Variants in NFX1 observed in about 807,000 individuals in gnomAD.
The protein encoded by NFX1 is transcriptional repressor NF-X1.
A neutral mutation model predicts 137.2 loss-of-function variants in NFX1; 69 were observed. The ratio of observed to expected loss-of-function variants is 0.50; its 90% CI spans 0.41 to 0.61. The LOEUF is 0.61. NFX1 is among the 20% of genes least tolerant of loss of function. NFX1 has a pLI of 0.00. For synonymous variants in NFX1, 495 were observed against 474.1 expected (o/e 1.04, Z -0.57); for missense variants, 1,167 against 1,391.0 (o/e 0.84, Z 2.56).
intron 12 of NFX1, among the ~76,000 whole-genome samples, chr9:33,339,870 G>A (rs554594699): frequency 1.3e-5 from 2 of 152,260 alleles, no homozygotes; most frequent in African/African-American, 4.8e-5. Flanking sequence ...TTGACTCCAT[G>A]TCTCACATCT....
chr9:33,307,105 A>G (rs1418098962), intron 4 of NFX1, 89 bp from the exon 5 acceptor site: 1 of 913,072 alleles, frequency 1.1e-6, no homozygotes, highest in Middle Eastern at 3.1e-4. Flanking sequence ...CTAAAGTTGC[A>G]TGCTGCCTAG....
chr9:33,319,069 G>A lies in NFX1; in HGVS notation c.1848G>A (p.Met616Ile). Residue 616 changes from methionine to isoleucine, a missense_variant, in exon 9 of 24, where the codon ATG becomes ATA. Physicochemically the swap from Met to Ile is conservative, Grantham distance 10 (BLOSUM62 1). This residue lies in a region of NFX1 where 488 missense variants were observed against 691.5 expected (regional missense o/e 0.71). Coordinates refer to ENST00000379540, the MANE Select transcript of NFX1 (RefSeq NM_002504.6). ...ELGSSSRKTC[M>I]DPVPSCGKVC... is the part of the protein sequence containing the mutation. Reference sequence around the variant, plus strand: ...GAAGTAGTAGTCGGAAAACATGCATGGACCCTGTGCCTTCATGTGGAAAAG... The same window carrying A: ...GAAGTAGTAGTCGGAAAACATGCATAGACCCTGTGCCTTCATGTGGAAAAG... 3 of 1,614,204 alleles carry A rather than the reference G, an allele frequency of 1.9e-6. No individual in the cohort carries two copies. Among genetic ancestry groups the A allele is most frequent in the Non-Finnish European group, 2.5e-6 (3 of 1,180,044 alleles).
intron 15 of NFX1, among the ~76,000 whole-genome samples, chr9:33,349,948 A>C (rs915959473): frequency 1.3e-5 from 2 of 152,080 alleles, no homozygotes; most frequent in African/African-American, 4.8e-5. Context: ...TCAAGGCTGC[A>C]GTGAGACACG....
intron 11 of NFX1, 175 bp downstream of exon 11, chr9:33,332,677 A>C (rs528027228): frequency 1.9e-6 from 1 of 530,360 alleles, no homozygotes; most frequent in South Asian, 2.7e-5. Flanking sequence ...AATTGATGAA[A>C]TGCTGAAAAA....
rs757991037 is a variant in NFX1 at position 33,313,688 on chromosome 9, C to T, written c.1483C>T (p.His495Tyr). The T allele has an allele frequency of 1.6e-5, 26 of 1,614,102 alleles. No homozygotes were observed. The South Asian group carries it at 2.7e-4, about 17-fold the overall frequency. ...TVRCGQAVSV[H>Y]CSNPCENILN... ...TCGCTGTGGTCAGGCTGTCTCAGTC[C>T]ACTGTTCTAACCCATGTGAGAATAT... The change falls in exon 7 of 24, where the codon CAC (histidine) becomes TAC (tyrosine). Residue 495 changes from histidine to tyrosine, a missense_variant. Coordinates refer to ENST00000379540, the MANE Select transcript of NFX1 (RefSeq NM_002504.6).
At chr9:33,356,663 G>T (rs1163365704) in intron 19 of NFX1, among the ~76,000 whole-genome samples, 1 of 152,058 alleles carries the variant, frequency 6.6e-6, no homozygotes, top group Non-Finnish European at 1.5e-5. Flanking sequence ...GACCTGTACT[G>T]ATTTTTTTGA....
rs537509391 is a variant in NFX1 at position 33,307,970 on chromosome 9, AT to A, written c.1376+676del. 2.7e-3 allele frequency among the ~76,000 whole-genome samples: 415 copies of A among 151,424 alleles called. 1 individual carries two copies. Among genetic ancestry groups the A allele is most frequent in the Non-Finnish European group, 4.7e-3 (316 of 67,782 alleles). ...AGGCGTGTGCCACCACGCCTGGCTA[AT>A]TTTTGTATGTTTTGGTAGAAATGGG... On this transcript the variant is annotated intron_variant, in intron 5 of 23. Transcript: ENST00000379540.
intron 11 of NFX1, 107 bp downstream of exon 11, chr9:33,332,609 A>G: frequency 2.7e-6 from 2 of 744,326 alleles, no homozygotes; most frequent in Non-Finnish European, 4.5e-6. Flanking sequence ...GTGAAGGCAT[A>G]CTTAAGATTT....
intron 11 of NFX1, among the ~76,000 whole-genome samples, chr9:33,333,290 A>G (rs544935196): frequency 6.6e-6 from 1 of 152,354 alleles, no homozygotes; most frequent in East Asian, 1.9e-4. Context: ...AAGCTTCTGG[A>G]TGCAGGTAAC....
At position 33,294,805 on chromosome 9, in the gene NFX1, G is replaced by A. The variant is rs745797255; in HGVS notation, c.411G>A (p.Ser137=). ...CAGATACAGCTGGATTAGAGAGCTC[G>A]ACCAGATCAGAGAGTGGGACAGACC... is the stretch of plus-strand genomic sequence containing the variant. ...QTSDTAGLES[S]TRSESGTDLR... The change falls in exon 2 of 24, where the codon TCG becomes TCA. Residue 137 remains serine, a synonymous_variant. Transcript: ENST00000379540. 1.2e-5 allele frequency: 19 copies of A among 1,613,924 alleles called. No homozygotes were observed. The highest frequency in any genetic ancestry group is 2.2e-5 in the East Asian group (1 of 44,894).
At chr9:33,302,882 G>A (rs147828912) in intron 3 of NFX1, among the ~76,000 whole-genome samples, 1,817 of 150,958 alleles carry the variant, frequency 0.012, 42 homozygotes, top group African/African-American at 0.039. Context: ...GTTAGCCAGG[G>A]TGGTCTCAAT....
chr9:33,336,019 A>G (rs1022499939), intron 11 of NFX1, among the ~76,000 whole-genome samples: 6 of 152,162 alleles, frequency 3.9e-5, no homozygotes, highest in African/African-American at 1.4e-4. Context: ...TTTTGTTCCA[A>G]TACCTATTTT....
chr9:33,338,143 T>G (rs2118543329), intron 11 of NFX1, among the ~76,000 whole-genome samples: 1 of 151,482 alleles, frequency 6.6e-6, no homozygotes, highest in East Asian at 1.9e-4. Context: ...TCACCTGAGA[T>G]CAGGAGTTAA....
intron 7 of NFX1, among the ~76,000 whole-genome samples, chr9:33,315,213 G>C (rs561638298): frequency 6.8e-6 from 1 of 147,040 alleles, no homozygotes; most frequent in Non-Finnish European, 1.5e-5. Flanking sequence ...CAACAAGAGC[G>C]GAACTCTGTC....
At position 33,307,171 on chromosome 9, in the gene NFX1, C is replaced by T. The variant is rs755362923; in HGVS notation, c.1271-23C>T. 9 of 1,592,180 alleles carry T rather than the reference C, an allele frequency of 5.7e-6. No homozygotes were observed. In the East Asian group the frequency reaches 1.3e-4, roughly 24 times the overall value. ...ATGTGGTTGAAGTTTGTACCATTGA[C>T]TCTCTGATCTGATATGTTCTAGGCA... On this transcript the variant is annotated intron_variant, in intron 4 of 23. Transcript: ENST00000379540.
At chr9:33,300,065 A>ATTT (rs34826491) in intron 2 of NFX1, among the ~76,000 whole-genome samples, 20 of 100,266 alleles carry the variant, frequency 2.0e-4, no homozygotes, top group East Asian at 2.9e-4. Context: ...ATGTTATAGC[A>ATTT]TTTTTTTTTT....
chr9:33,344,559 A>G (rs561915189), intron 14 of NFX1, among the ~76,000 whole-genome samples: 1 of 152,326 alleles, frequency 6.6e-6, no homozygotes, highest in East Asian at 1.9e-4. Flanking sequence ...TATTTATCGT[A>G]TTAAAATTAA....
At chr9:33,313,175 C>G (rs1822024717) in intron 6 of NFX1, among the ~76,000 whole-genome samples, 1 of 152,120 alleles carries the variant, frequency 6.6e-6, no homozygotes, top group Non-Finnish European at 1.5e-5. Context: ...CATGCTGCTT[C>G]ATGGAACTCA....
chr9:33,318,967 G>A lies in NFX1; in HGVS notation c.1746G>A (p.Gln582=), dbSNP rs1470285861. 6.2e-7 allele frequency: 1 copy of A among 1,614,224 alleles called. No homozygotes were observed. Among genetic ancestry groups the A allele is most frequent in the Non-Finnish European group, 8.5e-7 (1 of 1,180,032 alleles). Residue 582 remains glutamine, a synonymous_variant, in exon 9 of 24, where the codon CAG becomes CAA. Transcript: ENST00000379540. ...AAGTGTGCCACCCTCAGCCCTGCCA[G>A]CAATGCCCACGGCTCCCCCAGCTGG... is the stretch of plus-strand genomic sequence containing the variant. The part of the protein sequence containing the change: ...CSQVCHPQPC[Q]QCPRLPQLVR...
Sources: allele counts gnomAD v4.1 joint callset (sites outside exome capture counted in the v4.1 genomes callset), GRCh38; gene constraint gnomAD v4.1.1; regional missense constraint gnomAD v4.1.1; transcripts MANE v1.5; gene names NCBI Gene and HGNC (gene_info 2026-07-23, HGNC 2026-07-21).